Variants in OSBPL8 observed in about 807,000 individuals in gnomAD.
OSBPL8 encodes oxysterol binding protein like 8, also known as oxysterol-binding protein-related protein 8.
Under a neutral mutation model 125.5 loss-of-function variants are expected in OSBPL8, and 59 were observed. The ratio of observed to expected loss-of-function variants is 0.47; its 90% CI spans 0.38 to 0.58. The LOEUF (loss-of-function observed/expected upper bound fraction) is 0.58, where lower values mean the gene tolerates loss of function less well. Among genes scored for constraint, OSBPL8 ranks in the 20% least tolerant of loss-of-function variants. The pLI, the probability that OSBPL8 is intolerant of heterozygous loss-of-function variation, is 0.00. For missense variants in OSBPL8, 758 were observed against 1,047.8 expected, an observed-to-expected ratio of 0.72 and a Z score of 3.82; for synonymous variants, 330 against 338.9, an observed-to-expected ratio of 0.97 and a Z score of 0.29.
In OSBPL8 at chr12:76,390,669, G is replaced by T. The variant is rs561373689; in HGVS notation, c.930-12C>A. Reference sequence around the variant, plus strand: ...CACTATCATTTAACCTTAAGGGAAAGAATTTTTAGGAGGAAGAATCAAGGA... The same window carrying T: ...CACTATCATTTAACCTTAAGGGAAATAATTTTTAGGAGGAAGAATCAAGGA... On this transcript the variant is annotated splice_polypyrimidine_tract_variant and intron_variant, in intron 10 of 23. Transcript: ENST00000261183. The T allele has an allele frequency of 4.2e-5, 63 of 1,488,476 alleles. No homozygotes were observed. In the South Asian group the frequency reaches 6.3e-4, roughly 15 times the overall value. The allele number at this position is 1,488,476 out of a possible 1,614,324, so 92.2% of individuals were successfully genotyped here.
At chr12:76,545,662 C>T (rs750865411) in intron 1 of OSBPL8, among the ~76,000 whole-genome samples, 16 of 152,182 alleles carry the variant, frequency 1.1e-4, no homozygotes, top group Admixed American at 2.6e-4. Flanking sequence ...CAGGATGCTT[C>T]TGGGTTTTGA....
rs1048453927 is a variant in OSBPL8 at position 76,462,372 on chromosome 12, T to C, written c.43-2477A>G. ...TTAGTCTCGACATTATCCTCAAGCA[T>C]GTCTGTGTCATACAAATCTGATTCT... is the stretch of plus-strand genomic sequence containing the variant. On this transcript the variant is annotated intron_variant, in intron 2 of 23. Transcript: ENST00000261183. 5.3e-5 allele frequency among the ~76,000 whole-genome samples: 8 copies of C among 152,356 alleles called. No homozygotes were observed. In the South Asian group the frequency reaches 1.7e-3, roughly 32 times the overall value.
At chr12:76,391,963 T>A (rs183457200) in intron 10 of OSBPL8, among the ~76,000 whole-genome samples, 11 of 152,206 alleles carry the variant, frequency 7.2e-5, no homozygotes, top group Admixed American at 7.2e-4. Flanking sequence ...AAGTCTAATG[T>A]TTTTCCTGCA....
intron 1 of OSBPL8, among the ~76,000 whole-genome samples, chr12:76,520,494 T>G (rs890870089): frequency 5.9e-5 from 9 of 152,292 alleles, no homozygotes; most frequent in Admixed American, 1.3e-4. Flanking sequence ...ACACATGATT[T>G]ATGACCTCAT....
intron 4 of OSBPL8, among the ~76,000 whole-genome samples, chr12:76,415,291 C>T (rs1868494963): frequency 6.7e-6 from 1 of 149,482 alleles, no homozygotes; most frequent in African/African-American, 2.5e-5. Flanking sequence ...GTCACCCAGG[C>T]TGCTGGAGTG....
chr12:76,481,511 T>G (rs1209717432), intron 2 of OSBPL8, among the ~76,000 whole-genome samples: 1 of 152,016 alleles, frequency 6.6e-6, no homozygotes, highest in Non-Finnish European at 1.5e-5. Context: ...AGGCCTGTAG[T>G]CCAAGCTACT....
Position 76,482,375 on chromosome 12 carries a change from AG to A in OSBPL8, c.42+5134del, listed in dbSNP as rs1487557437. Among the ~76,000 whole-genome samples, 4 of 152,326 alleles carry A rather than the reference AG, an allele frequency of 2.6e-5. No homozygotes were observed. The East Asian group carries it at 7.7e-4, about 29-fold the overall frequency. On this transcript the variant is annotated intron_variant, in intron 2 of 23. Transcript: ENST00000261183. ...ACGCCTGTAATCTCAACACTTTGGG[AG>A]GCTAAGGCGGGCGGATCACTTGAGG...
chr12:76,545,931 T>C (rs1054464336), intron 1 of OSBPL8, among the ~76,000 whole-genome samples: 18 of 152,102 alleles, frequency 1.2e-4, no homozygotes, highest in African/African-American at 4.1e-4. Context: ...ACATACAGAG[T>C]TGACCCTCGA....
chr12:76,470,352 G>A (rs1875984653), intron 2 of OSBPL8, among the ~76,000 whole-genome samples: 1 of 152,130 alleles, frequency 6.6e-6, no homozygotes. Flanking sequence ...TGCCTGAAAA[G>A]GTTATGAAAT....
rs1451372683 is a variant in OSBPL8, at chr12:76,388,974, G to T, written c.1352+671C>A. Among the ~76,000 whole-genome samples the T allele has an allele frequency of 1.3e-5, 2 of 152,146 alleles. 1 individual carries two copies. The highest frequency in any genetic ancestry group is 2.9e-5 in the Non-Finnish European group (2 of 68,038). On this transcript the variant is annotated intron_variant, in intron 12 of 23. Transcript: ENST00000261183. ...AGTGGCACAGAAAGCACAGTGCCTT[G>T]AAACACCATTATTGCTGGAATAGGG...
At chr12:76,518,984 T>A (rs1240510349) in intron 1 of OSBPL8, among the ~76,000 whole-genome samples, 3 of 152,236 alleles carry the variant, frequency 2.0e-5, no homozygotes, top group African/African-American at 7.2e-5. Flanking sequence ...CTTGGCTCCC[T>A]TTTAGTCATG....
chr12:76,396,747 GCCT>G, intron 8 of OSBPL8, among the ~76,000 whole-genome samples: 1 of 151,990 alleles, frequency 6.6e-6, no homozygotes, highest in African/African-American at 2.4e-5. Flanking sequence ...GTAAAACCTT[GCCT>G]AAAAAACACA....
At chr12:76,394,599 C>A (rs896870640) in intron 9 of OSBPL8, 46 bp downstream of exon 9, 4 of 1,443,162 alleles carry the variant, frequency 2.8e-6, no homozygotes, top group Non-Finnish European at 3.8e-6. Flanking sequence ...TAAAAAAACT[C>A]TTAAAAATGA....
intron 2 of OSBPL8, among the ~76,000 whole-genome samples, chr12:76,464,675 A>G (rs1875179406): frequency 6.6e-6 from 1 of 152,196 alleles, no homozygotes; most frequent in Admixed American, 6.5e-5. Context: ...CCCTAATAAT[A>G]ATGAAGTAAT....
chr12:76,522,724 C>T (rs989447741), intron 1 of OSBPL8, among the ~76,000 whole-genome samples: 2 of 152,176 alleles, frequency 1.3e-5, no homozygotes, highest in Non-Finnish European at 2.9e-5. Context: ...CTAAACAAAC[C>T]TCTTTTCTTT....
At chr12:76,493,831 A>T (rs1878991696) in intron 1 of OSBPL8, among the ~76,000 whole-genome samples, 1 of 152,126 alleles carries the variant, frequency 6.6e-6, no homozygotes, top group African/African-American at 2.4e-5. Flanking sequence ...AATTCTACAA[A>T]TGTTAGCTCT....
intron 1 of OSBPL8, among the ~76,000 whole-genome samples, chr12:76,495,129 T>C (rs1879145368): frequency 6.6e-6 from 1 of 152,218 alleles, no homozygotes; most frequent in African/African-American, 2.4e-5. Flanking sequence ...CGAGAACGTA[T>C]TTAATTTCAT....
intron 4 of OSBPL8, among the ~76,000 whole-genome samples, chr12:76,431,140 G>A (rs897068933): frequency 6.6e-6 from 1 of 152,058 alleles, no homozygotes; most frequent in Non-Finnish European, 1.5e-5. Context: ...GGTAAAATGT[G>A]GAGTATCTAA....
At chr12:76,429,883 GT>G (rs1314163541) in intron 4 of OSBPL8, among the ~76,000 whole-genome samples, 6 of 115,886 alleles carry the variant, frequency 5.2e-5, no homozygotes, top group South Asian at 2.4e-4. Context: ...ACAGACAAGG[GT>G]TTTAAAAAAA....
Sources: allele counts gnomAD v4.1 joint callset (sites outside exome capture counted in the v4.1 genomes callset), GRCh38; gene constraint gnomAD v4.1.1; transcripts MANE v1.5; gene names NCBI Gene and HGNC (gene_info 2026-07-23, HGNC 2026-07-21).